TMEM132D: variants seen among roughly 807,000 people sequenced by gnomAD.
TMEM132D encodes the protein mature OL transmembrane protein.
TMEM132D carries 21 observed loss-of-function variants against 62.3 expected under a neutral mutation model. The ratio of observed to expected loss-of-function variants is 0.34; its 90% CI spans 0.24 to 0.49. The LOEUF (loss-of-function observed/expected upper bound fraction) is 0.49, where lower values mean the gene tolerates loss of function less well. Among genes scored for constraint, TMEM132D ranks in the 20% least tolerant of loss-of-function variants. TMEM132D has a pLI of 0.99. For missense variants in TMEM132D, 1,346 were observed against 1,402.8 expected (o/e 0.96, Z 0.65); for synonymous variants, 621 against 575.6 (o/e 1.08, Z -1.13).
intron 1 of TMEM132D, among the ~76,000 whole-genome samples, chr12:129,747,999 T>A (rs192669155): frequency 1.6e-4 from 25 of 152,250 alleles, no homozygotes; most frequent in Admixed American, 1.4e-3. Context: ...TCCCCCTCAT[T>A]AGGATGCCGT....
intron 2 of TMEM132D, among the ~76,000 whole-genome samples, chr12:129,543,369 G>T (rs1434174431): frequency 2.0e-5 from 3 of 146,900 alleles, no homozygotes; most frequent in Admixed American, 1.4e-4. Flanking sequence ...TGGATGGATG[G>T]ATGTAAGGAT....
At chr12:129,769,543 T>C (rs561887136) in intron 1 of TMEM132D, among the ~76,000 whole-genome samples, 24 of 152,316 alleles carry the variant, frequency 1.6e-4, no homozygotes, top group Admixed American at 6.5e-4. Flanking sequence ...TATCAGTCCC[T>C]GACATGTCAG....
intron 1 of TMEM132D, among the ~76,000 whole-genome samples, chr12:129,754,949 A>G (rs564583791): frequency 7.5e-4 from 114 of 152,310 alleles, no homozygotes; most frequent in African/African-American, 2.6e-3. Flanking sequence ...CCACACGGTG[A>G]CATCTAGGCA....
chr12:129,730,864 G>C (rs1869211375), intron 1 of TMEM132D, among the ~76,000 whole-genome samples: 1 of 151,934 alleles, frequency 6.6e-6, no homozygotes, highest in Non-Finnish European at 1.5e-5. Context: ...TGGGCTCTCG[G>C]ACCTTCAACC....
intron 3 of TMEM132D, among the ~76,000 whole-genome samples, chr12:129,510,412 A>G (rs918750236): frequency 1.3e-5 from 2 of 151,960 alleles, no homozygotes; most frequent in African/African-American, 2.4e-5. Context: ...CATTCTGTGC[A>G]TTGTCTCTTC....
intron 1 of TMEM132D, among the ~76,000 whole-genome samples, chr12:129,731,569 G>A (rs184100323): frequency 4.6e-5 from 7 of 152,286 alleles, no homozygotes; most frequent in African/African-American, 1.2e-4. Flanking sequence ...AAGGAGATCC[G>A]GGTGGCAAGA....
intron 2 of TMEM132D, among the ~76,000 whole-genome samples, chr12:129,611,059 C>T (rs912756856): frequency 6.6e-6 from 1 of 152,168 alleles, no homozygotes; most frequent in Non-Finnish European, 1.5e-5. Flanking sequence ...AGAATTCAAA[C>T]CAGGATTGCT....
At chr12:129,781,915 G>A (rs1871131793) in intron 1 of TMEM132D, among the ~76,000 whole-genome samples, 1 of 152,152 alleles carries the variant, frequency 6.6e-6, no homozygotes, top group African/African-American at 2.4e-5. Context: ...CTGGAGACAG[G>A]AGACCTTGAA....
At chr12:129,294,331 T>C (rs1881518838) in intron 4 of TMEM132D, among the ~76,000 whole-genome samples, 1 of 152,180 alleles carries the variant, frequency 6.6e-6, no homozygotes, top group African/African-American at 2.4e-5. Context: ...AACAATGCAA[T>C]GAAGCTTGTA....
intron 3 of TMEM132D, among the ~76,000 whole-genome samples, chr12:129,526,457 G>A (rs956065157): frequency 2.0e-5 from 3 of 151,914 alleles, no homozygotes; most frequent in Non-Finnish European, 2.9e-5. Flanking sequence ...GCTAATTTTT[G>A]TATTTTTAGT....
intron 1 of TMEM132D, among the ~76,000 whole-genome samples, chr12:129,795,299 G>A (rs1052091427): frequency 2.6e-5 from 4 of 152,142 alleles, no homozygotes; most frequent in African/African-American, 9.7e-5. Context: ...CCCTCCCAGC[G>A]TGCACTGGGC....
chr12:129,881,253 TA>T (rs1472057122), intron 1 of TMEM132D, among the ~76,000 whole-genome samples: 1 of 152,012 alleles, frequency 6.6e-6, no homozygotes, highest in African/African-American at 2.4e-5. Flanking sequence ...AATCCATAAC[TA>T]TTAGAGCAAT....
At chr12:129,511,232 A>G (rs554029057) in intron 3 of TMEM132D, among the ~76,000 whole-genome samples, 1 of 152,140 alleles carries the variant, frequency 6.6e-6, no homozygotes, top group South Asian at 2.1e-4. Flanking sequence ...GCCTTCTGTC[A>G]CTATTGATTG....
intron 2 of TMEM132D, among the ~76,000 whole-genome samples, chr12:129,617,692 C>T (rs769847803): frequency 4.6e-5 from 7 of 152,114 alleles, no homozygotes; most frequent in Non-Finnish European, 8.8e-5. Flanking sequence ...CACCAGAGGA[C>T]CTGCTTCCTG....
intron 3 of TMEM132D, among the ~76,000 whole-genome samples, chr12:129,341,723 C>T (rs530959771): frequency 1.8e-4 from 27 of 152,240 alleles, no homozygotes; most frequent in African/African-American, 5.8e-4. Context: ...TGGGCTGAGA[C>T]GATGGGCAGG....
intron 3 of TMEM132D, among the ~76,000 whole-genome samples, chr12:129,470,340 T>C (rs1227140618): frequency 6.6e-6 from 1 of 152,154 alleles, no homozygotes; most frequent in African/African-American, 2.4e-5. Flanking sequence ...AAATTTTTGG[T>C]GTGGTCAGTT....
intron 1 of TMEM132D, among the ~76,000 whole-genome samples, chr12:129,807,217 C>A (rs1485989415): frequency 1.3e-5 from 2 of 152,168 alleles, no homozygotes; most frequent in Non-Finnish European, 2.9e-5. Context: ...GGAGCAGCTA[C>A]CCCTGTAGCC....
chr12:129,899,793 A>G (rs1875291252), intron 1 of TMEM132D, among the ~76,000 whole-genome samples: 1 of 152,198 alleles, frequency 6.6e-6, no homozygotes, highest in Non-Finnish European at 1.5e-5. Flanking sequence ...AATTCATACA[A>G]AACAAAACTT....
chr12:129,883,749 G>C (rs904000044), intron 1 of TMEM132D, among the ~76,000 whole-genome samples: 2 of 152,070 alleles, frequency 1.3e-5, no homozygotes, highest in South Asian at 2.1e-4. Flanking sequence ...TACCATATAC[G>C]GTCAGACAAC....
Sources: allele counts gnomAD v4.1 joint callset (sites outside exome capture counted in the v4.1 genomes callset), GRCh38; gene constraint gnomAD v4.1.1; transcripts MANE v1.5; gene names NCBI Gene and HGNC (gene_info 2026-07-23, HGNC 2026-07-21).